Variants in DIS3L observed in about 807,000 individuals in gnomAD.
The protein encoded by DIS3L is DIS3 like exosome 3'-5' exoribonuclease.
DIS3L carries 100 observed loss-of-function variants against 120.3 expected under a neutral mutation model. The ratio of observed to expected loss-of-function variants is 0.83; its 90% CI spans 0.71 to 0.98. DIS3L has a LOEUF of 0.98. Among genes scored for constraint, DIS3L ranks in the 50% least tolerant of loss-of-function variants. DIS3L has a pLI of 0.00. For synonymous variants in DIS3L, 426 were observed against 470.6 expected, an observed-to-expected ratio of 0.91 and a Z score of 1.23; for missense variants, 1,196 against 1,314.2, an observed-to-expected ratio of 0.91 and a Z score of 1.39.
At position 66,308,712 on chromosome 15, in the gene DIS3L, C is replaced by T; in HGVS notation, c.426C>T (p.Ser142=). The stretch of plus-strand genomic sequence containing the variant: ...CATGTGCCCTTTGCTTTTCCAGGAG[C>T]ATATACAACGCAGCTGTTTGGTACT... ...GESMEKWQTR[S]IYNAAVWYYH... The change falls in exon 4 of 17, where the codon AGC becomes AGT. Residue 142 remains serine (S), a synonymous_variant. Coordinates refer to ENST00000319212, the MANE Select transcript of DIS3L (RefSeq NM_001143688.3). 1 of 1,608,462 alleles carries T rather than the reference C, an allele frequency of 6.2e-7. No homozygotes were observed. Among genetic ancestry groups the T allele is most frequent in the Non-Finnish European group, 8.5e-7 (1 of 1,176,276 alleles).
At chr15:66,301,688 C>T (rs1208798446) in intron 2 of DIS3L, among the ~76,000 whole-genome samples, 1 of 152,134 alleles carries the variant, frequency 6.6e-6, no homozygotes, top group Non-Finnish European at 1.5e-5. Flanking sequence ...CTATCTGGTC[C>T]CATCATATGC....
At chr15:66,331,817 G>T (rs377519992) in intron 14 of DIS3L, 58 bp from the exon 15 acceptor site, 2 of 1,413,590 alleles carry the variant, frequency 1.4e-6, no homozygotes, top group South Asian at 1.8e-5. Flanking sequence ...TATGAATTTC[G>T]TTTCTTTGGG....
rs780395705 is a variant in DIS3L at position 66,318,465 on chromosome 15, A to G, written c.1011A>G (p.Ile337Met). ...TTGCCAAAGGTCGAGTGGTGGGCAT[A>G]CTTCAGAAGAACTGGCGGGATTATG... ...EPMPTGRVVG[I>M]LQKNWRDYVV... The change falls in exon 8 of 17, where the codon ATA (isoleucine) becomes ATG (methionine). Residue 337 changes from isoleucine (I) to methionine (M), a missense_variant. Transcript: ENST00000319212. 1 of 1,613,984 alleles carries G rather than the reference A, an allele frequency of 6.2e-7. No homozygotes were observed. The highest frequency in any genetic ancestry group is 1.7e-5 in the Admixed American group (1 of 59,976).
At chr15:66,328,936 G>A (rs1244067579) in intron 12 of DIS3L, 34 bp from the exon 13 acceptor site, 1 of 1,601,436 alleles carries the variant, frequency 6.2e-7, no homozygotes, top group East Asian at 2.2e-5. Context: ...ATTACTGTCT[G>A]GGACTAGCTA....
In DIS3L at chr15:66,293,654, C is replaced by A; in HGVS notation, c.58C>A (p.Arg20=). 7.0e-7 allele frequency: 1 copy of A among 1,433,664 alleles called. No homozygotes were observed. The highest frequency in any genetic ancestry group is 9.1e-7 in the Non-Finnish European group (1 of 1,093,498). The allele number at this position is 1,433,664 out of a possible 1,614,324, so 88.8% of individuals were successfully genotyped here. A position where few individuals can be genotyped will look rare whatever the true frequency, so the allele number is the denominator to read the frequency against. The part of the protein sequence containing the change: ...LLRTFQGRTL[R]IVREHYLRPC... Reference sequence around the variant, plus strand: ...GAGGACCTTCCAGGGCCGCACGCTGCGGATCGTGCGCGAGCACTACCTGCG... The same window carrying A: ...GAGGACCTTCCAGGGCCGCACGCTGAGGATCGTGCGCGAGCACTACCTGCG... Residue 20 remains arginine, a synonymous_variant, in exon 1 of 17, where the codon CGG becomes AGG. Coordinates refer to ENST00000319212, the MANE Select transcript of DIS3L (RefSeq NM_001143688.3).
rs1209720009 is a variant in DIS3L, at chr15:66,306,937, A to T, written c.407A>T (p.Glu136Val). ...CCACGGGAAAGAGGAGAGTCCATGG[A>T]GAAGTGGCAGACCAGGTATGGCCCT... ...YLPRERGESMEKWQTRSIYNA... is the reference protein window; with the variant it reads ...YLPRERGESMVKWQTRSIYNA... Residue 136 changes from glutamate (E) to valine (V), a missense_variant, in exon 3 of 17, where the codon GAG becomes GTG. Coordinates refer to ENST00000319212, the MANE Select transcript of DIS3L (RefSeq NM_001143688.3). 1 of 1,614,108 alleles carries T rather than the reference A, an allele frequency of 6.2e-7. No homozygotes were observed.
intron 2 of DIS3L, among the ~76,000 whole-genome samples, chr15:66,300,312 T>A (rs2092634127): frequency 6.6e-6 from 1 of 152,214 alleles, no homozygotes; most frequent in Non-Finnish European, 1.5e-5. Context: ...ATATGTTGTA[T>A]AATTCCATTT....
At chr15:66,294,324 C>G (rs1485083606) in intron 1 of DIS3L, 2 of 985,416 alleles carry the variant, frequency 2.0e-6, no homozygotes, top group Admixed American at 6.1e-5. Context: ...TCCTTGGTTT[C>G]TAGGCCACAA....
At chr15:66,310,026 G>C (rs544517175) in intron 4 of DIS3L, among the ~76,000 whole-genome samples, 1 of 152,302 alleles carries the variant, frequency 6.6e-6, no homozygotes, top group South Asian at 2.1e-4. Context: ...TCTCTCAACA[G>C]ATCGCTGGTC....
At chr15:66,304,309 C>T (rs1171408641) in intron 2 of DIS3L, among the ~76,000 whole-genome samples, 1 of 151,562 alleles carries the variant, frequency 6.6e-6, no homozygotes, top group Non-Finnish European at 1.5e-5. Flanking sequence ...AAAAATTAGC[C>T]GAGCATAGTG....
intron 2 of DIS3L, among the ~76,000 whole-genome samples, chr15:66,302,616 G>A (rs896004298): frequency 2.0e-5 from 3 of 152,088 alleles, no homozygotes; most frequent in Admixed American, 6.6e-5. Flanking sequence ...CTGCTGTCTC[G>A]CACATTCCGC....
chr15:66,305,038 G>C (rs1168656088), intron 2 of DIS3L, among the ~76,000 whole-genome samples: 2 of 104,828 alleles, frequency 1.9e-5, no homozygotes, highest in African/African-American at 3.9e-5. Flanking sequence ...GTCTTGCTCT[G>C]TCACCAGGCT....
rs1323657221 is a variant in DIS3L at position 66,294,023 on chromosome 15, T to G, written c.139+288T>G. On this transcript the variant is annotated intron_variant, in intron 1 of 16. Coordinates refer to ENST00000319212, the MANE Select transcript of DIS3L (RefSeq NM_001143688.3). ...GCCGGAGGCCGGGTGGTTTGGCTCC[T>G]CAGAGGGGCCTGAGGGCGCGGAAGC... 4.0e-6 allele frequency: 4 copies of G among 988,296 alleles called. No individual in the cohort carries two copies. In the East Asian group the frequency reaches 4.5e-4, roughly 111 times the overall value. 61.2% of individuals were successfully genotyped at this position (988,296 alleles called of 1,614,324 possible).
chr15:66,330,704 CA>C, intron 14 of DIS3L: 1 of 189,466 alleles, frequency 5.3e-6, no homozygotes, highest in Non-Finnish European at 9.8e-6. Flanking sequence ...AGATAGAGAG[CA>C]TTTCTATCAT....
chr15:66,309,122 C>T (rs557196196), intron 4 of DIS3L, among the ~76,000 whole-genome samples: 4 of 75,888 alleles, frequency 5.3e-5, no homozygotes, highest in South Asian at 5.9e-4. Flanking sequence ...CATGGTGGCA[C>T]GCACCTGTAG....
At chr15:66,304,489 T>A (rs1377503284) in intron 2 of DIS3L, among the ~76,000 whole-genome samples, 2 of 152,062 alleles carry the variant, frequency 1.3e-5, no homozygotes, top group Non-Finnish European at 2.9e-5. Flanking sequence ...GGAAAATTAC[T>A]GATATAATAT....
chr15:66,324,888 A>T (rs942999112), intron 11 of DIS3L, among the ~76,000 whole-genome samples: 1 of 152,174 alleles, frequency 6.6e-6, no homozygotes, highest in African/African-American at 2.4e-5. Context: ...AATTAGCCCT[A>T]TGTTTTTTAT....
intron 7 of DIS3L, among the ~76,000 whole-genome samples, chr15:66,317,371 A>G (rs2092830175): frequency 6.6e-6 from 1 of 151,132 alleles, no homozygotes; most frequent in Non-Finnish European, 1.5e-5. Context: ...AAGAAAAAAG[A>G]GAACATTTTT....
intron 4 of DIS3L, 57 bp from the exon 5 acceptor site, chr15:66,311,667 C>G: frequency 6.3e-7 from 1 of 1,597,702 alleles, no homozygotes; most frequent in Non-Finnish European, 8.5e-7. Context: ...GTCATAGTAC[C>G]ATGGTGAAGA....
Sources: allele counts gnomAD v4.1 joint callset (sites outside exome capture counted in the v4.1 genomes callset), GRCh38; gene constraint gnomAD v4.1.1; transcripts MANE v1.5; gene names NCBI Gene and HGNC (gene_info 2026-07-23, HGNC 2026-07-21).